CYP4X1: variants seen among roughly 807,000 people sequenced by gnomAD.
CYP4X1 encodes the protein cytochrome P450 4X1.
Under a neutral mutation model 57.9 loss-of-function variants are expected in CYP4X1, and 44 were observed. The observed-to-expected ratio is 0.76, with a 90% CI of 0.60 to 0.98. The LOEUF is 0.98. CYP4X1 is among the 50% of genes least tolerant of loss of function. The probability of loss-of-function intolerance (pLI) is 0.00; values close to 1 mark genes in which losing one functional copy is unlikely to be tolerated. For synonymous variants in CYP4X1, 227 were observed against 228.6 expected (o/e 0.99, Z 0.06); for missense variants, 532 against 623.9 (o/e 0.85, Z 1.57).
the CYP4X1 span, among the ~76,000 whole-genome samples, chr1:46,964,401 C>T: frequency 3.3e-5 from 5 of 152,124 alleles, no homozygotes; most frequent in African/African-American, 9.7e-5. Flanking sequence ...ATGATGGTGA[C>T]GTACAGGTGG....
the CYP4X1 span, chr1:46,967,909 C>T: frequency 3.4e-6 from 2 of 588,448 alleles, no homozygotes; most frequent in Non-Finnish European, 5.3e-6. Flanking sequence ...AGGCCTCAGT[C>T]CCCATTATGA....
In CYP4X1 at chr1:47,025,807, T is replaced by A. The variant is rs746968659; in HGVS notation, c.177+1813T>A. On this transcript the variant is annotated intron_variant, in intron 1 of 11. Coordinates refer to ENST00000371901, the MANE Select transcript of CYP4X1 (RefSeq NM_178033.2). ...TTTGGAGATATTTTTGCCACAGACC[T>A]CTCCTCCTGTTCCAGTCTGGACTGG... 1.5e-4 allele frequency among the ~76,000 whole-genome samples: 23 copies of A among 152,180 alleles called. 1 individual carries two copies. The South Asian group carries it at 1.9e-3, about 12-fold the overall frequency.
chr1:47,024,037 A>C (rs371579159), intron 1 of CYP4X1, 43 bp downstream of exon 1: 43 of 1,577,734 alleles, frequency 2.7e-5, no homozygotes, highest in Non-Finnish European at 3.4e-5. Context: ...GGAGGGGCGG[A>C]GGAGGATGCG....
rs114764971 is a variant in CYP4X1 at position 47,030,727 on chromosome 1, A to G, written c.319+596A>G. ...AAAATGTCCAGTTTTTGCCCTGTCA[A>G]CTTTGTAAAAGGAAGGTTTTTATAT... On this transcript the variant is annotated intron_variant, in intron 2 of 11. Transcript: ENST00000371901. Among the ~76,000 whole-genome samples, 571 of 152,278 alleles carry G rather than the reference A, an allele frequency of 3.7e-3. 3 individuals carry two copies. Among genetic ancestry groups the G allele is most frequent in the African/African-American group, 0.013 (538 of 41,546 alleles).
intron 9 of CYP4X1, 146 bp downstream of exon 9, chr1:47,046,746 T>C: frequency 8.2e-7 from 1 of 1,223,962 alleles, no homozygotes; most frequent in East Asian, 2.5e-5. Context: ...TATGAGGAGC[T>C]CAGAGGATAA....
chr1:47,025,484 C>T (rs1457590434), intron 1 of CYP4X1, among the ~76,000 whole-genome samples: 1 of 152,202 alleles, frequency 6.6e-6, no homozygotes, highest in East Asian at 1.9e-4. Context: ...ACTTACACTT[C>T]ATATTCCACT....
intron 1 of CYP4X1, among the ~76,000 whole-genome samples, chr1:47,028,899 TG>T (rs1293388308): frequency 6.6e-6 from 1 of 152,210 alleles, no homozygotes; most frequent in Non-Finnish European, 1.5e-5. Flanking sequence ...GGATAGTCAG[TG>T]GGTGCTTATC....
chr1:47,039,508 T>TG lies in CYP4X1; in HGVS notation c.1054dup (p.Asp352GlyfsTer12), dbSNP rs1252321482. 6.2e-7 allele frequency: 1 copy of TG among 1,610,060 alleles called. No homozygotes were observed. Among genetic ancestry groups the TG allele is most frequent in the South Asian group, 1.1e-5 (1 of 90,280 alleles). ...TGCCGGGAGGAGGTCAGGGGCATCC[T>TG]GGGGGATGGGTCTTCTATCACTTGG... On this transcript the variant is annotated frameshift_variant, in exon 8 of 12. Coordinates refer to ENST00000371901, the MANE Select transcript of CYP4X1 (RefSeq NM_178033.2). LOFTEE classifies it high-confidence loss of function.
Position 47,039,486 on chromosome 1 carries a change from C to G in CYP4X1, c.1027C>G (p.Arg343Gly). ...GAACCCTGAGCATCAAGAGAGATGC[C>G]GGGAGGAGGTCAGGGGCATCCTGGG... The part of the protein sequence containing the change: ...ALNPEHQERC[R>G]EEVRGILGDG... The change falls in exon 8 of 12, where the codon CGG becomes GGG. Residue 343 changes from arginine (R) to glycine (G), a missense_variant. Arg to Gly is a moderately radical substitution (Grantham distance 125, BLOSUM62 -2). Transcript: ENST00000371901. 6.2e-7 allele frequency: 1 copy of G among 1,612,760 alleles called. No homozygotes were observed. Among genetic ancestry groups the G allele is most frequent in the South Asian group, 1.1e-5 (1 of 90,920 alleles).
At chr1:46,963,676 C>A in the CYP4X1 span, among the ~76,000 whole-genome samples, 1 of 152,178 alleles carries the variant, frequency 6.6e-6, no homozygotes, top group Non-Finnish European at 1.5e-5. Context: ...CTGTCCTTAA[C>A]ATTTTTTCCT....
chr1:46,976,302 G>A, the CYP4X1 span, among the ~76,000 whole-genome samples: 5 of 152,094 alleles, frequency 3.3e-5, no homozygotes, highest in African/African-American at 4.8e-5. Context: ...TATATCCCAC[G>A]CCTGGATCCG....
the CYP4X1 span, among the ~76,000 whole-genome samples, chr1:46,989,767 T>A: frequency 6.6e-6 from 1 of 152,216 alleles, no homozygotes; most frequent in Non-Finnish European, 1.5e-5. Context: ...ACCCATCTGA[T>A]CTTTGACAAA....
the CYP4X1 span, among the ~76,000 whole-genome samples, chr1:46,963,683 T>C: frequency 2.0e-5 from 3 of 152,248 alleles, no homozygotes; most frequent in Non-Finnish European, 2.9e-5. Flanking sequence ...TAACATTTTT[T>C]CCTTCATTTC....
chr1:46,989,207 G>C, the CYP4X1 span, among the ~76,000 whole-genome samples: 4 of 152,036 alleles, frequency 2.6e-5, no homozygotes, highest in Admixed American at 1.3e-4. Context: ...AAAGTCTCAG[G>C]ATACAAAATC....
intron 7 of CYP4X1, among the ~76,000 whole-genome samples, 178 bp downstream of exon 7, chr1:47,038,944 C>A (rs1014886506): frequency 6.6e-6 from 1 of 152,074 alleles, no homozygotes; most frequent in African/African-American, 2.4e-5. Context: ...GCAACTGTGT[C>A]GCTAGAGGAG....
the CYP4X1 span, among the ~76,000 whole-genome samples, chr1:46,972,162 C>T: frequency 6.6e-6 from 1 of 152,180 alleles, no homozygotes; most frequent in Non-Finnish European, 1.5e-5. Flanking sequence ...ACATGGCTAG[C>T]CAGTTGTCTC....
the CYP4X1 span, among the ~76,000 whole-genome samples, chr1:46,995,579 G>A: frequency 6.6e-6 from 1 of 152,142 alleles, no homozygotes; most frequent in South Asian, 2.1e-4. Context: ...AGAGTTCAGA[G>A]AGTAAGACAC....
chr1:46,986,065 A>T, the CYP4X1 span, among the ~76,000 whole-genome samples: 1 of 152,182 alleles, frequency 6.6e-6, no homozygotes, highest in Admixed American at 6.5e-5. Context: ...GGTAATAACA[A>T]ACTCCTCCGA....
At chr1:47,031,649 C>T (rs1272159967) in intron 3 of CYP4X1, among the ~76,000 whole-genome samples, 169 bp downstream of exon 3, 1 of 152,158 alleles carries the variant, frequency 6.6e-6, no homozygotes, top group East Asian at 1.9e-4. Context: ...CTAAGGTCAA[C>T]ACACCACCAC....
Sources: gnomAD v4.1 joint callset for allele counts (sites outside exome capture counted in the v4.1 genomes callset) on GRCh38, gnomAD v4.1.1 for gene constraint, MANE v1.5 for transcripts, NCBI Gene and HGNC (gene_info 2026-07-23, HGNC 2026-07-21) for gene names.